The following PDCD11 variants were observed in gnomAD, a reference collection of about 807,000 sequenced individuals.
The protein encoded by PDCD11 is programmed cell death 11.
PDCD11 carries 97 observed loss-of-function variants against 198.9 expected under a neutral mutation model. That is an observed-to-expected ratio of 0.49 (90% CI 0.41 to 0.58). PDCD11 has a LOEUF of 0.58. PDCD11 is among the 20% of genes least tolerant of loss of function. The pLI is 0.00. For missense variants in PDCD11, 2,102 were observed against 2,312.7 expected, an observed-to-expected ratio of 0.91 and a Z score of 1.87; for synonymous variants, 893 against 918.0, an observed-to-expected ratio of 0.97 and a Z score of 0.49.
intron 25 of PDCD11, 21 bp from the exon 26 acceptor site, chr10:103,437,994 T>C (rs1379330089): frequency 6.2e-7 from 1 of 1,609,366 alleles, no homozygotes; most frequent in African/African-American, 1.3e-5. Context: ...GAGCGTTTCC[T>C]TCTCTTTTGC....
At chr10:103,432,713 T>G (rs563435625) in intron 22 of PDCD11, among the ~76,000 whole-genome samples, 80 of 152,210 alleles carry the variant, frequency 5.3e-4, no homozygotes, top group Admixed American at 1.2e-3. Context: ...GAATAATACC[T>G]CTCCATTGTT....
Position 103,403,270 on chromosome 10 carries a change from A to G in PDCD11, c.387A>G (p.Gln129=), listed in dbSNP as rs568210523. 41 of 1,613,856 alleles carry G rather than the reference A, an allele frequency of 2.5e-5. No individual in the cohort carries two copies. The highest frequency in any genetic ancestry group is 8.3e-5 in the Admixed American group (5 of 59,952). ...AAAAGCTGAATGAGCAGGTGACACAAGAACAACCTCTGAAGGTAAGGGAAA... is the reference window on the plus strand; with the variant it reads ...AAAAGCTGAATGAGCAGGTGACACAGGAACAACCTCTGAAGGTAAGGGAAA... ...YTKKLNEQVT[Q]EQPLKDLLHL... is the part of the protein sequence containing the mutation. The change falls in exon 4 of 36, where the codon CAA becomes CAG. Residue 129 remains glutamine, a synonymous_variant. Transcript: ENST00000369797.
At chr10:103,410,828 C>T (rs1319054435) in intron 8 of PDCD11, among the ~76,000 whole-genome samples, 1 of 151,752 alleles carries the variant, frequency 6.6e-6, no homozygotes, top group East Asian at 1.9e-4. Flanking sequence ...ATAATCCCAG[C>T]ACTTTGGTAG....
At chr10:103,421,588 G>A (rs1265163115) in intron 17 of PDCD11, 21 bp downstream of exon 17, 1 of 1,530,436 alleles carries the variant, frequency 6.5e-7, no homozygotes, top group Non-Finnish European at 8.9e-7. Context: ...TGTGGGGCAG[G>A]GGAGGTGGGC....
chr10:103,419,546 C>T lies in PDCD11; in HGVS notation c.2115C>T (p.Cys705=). 1 of 1,613,086 alleles carries T rather than the reference C, an allele frequency of 6.2e-7. No homozygotes were observed. The highest frequency in any genetic ancestry group is 1.7e-4 in the Middle Eastern group (1 of 6,054). Residue 705 remains cysteine, a synonymous_variant, in exon 16 of 36, where the codon TGC becomes TGT. Coordinates refer to ENST00000369797, the MANE Select transcript of PDCD11 (RefSeq NM_014976.2). ...LSQSEGRVLL[C]RKPALVSTVE... Reference sequence around the variant, plus strand: ...TGATGAAGTACCACTAGCTTCTTTGCAGGAAGCCAGCCTTGGTCTCCACAG... The same window carrying T: ...TGATGAAGTACCACTAGCTTCTTTGTAGGAAGCCAGCCTTGGTCTCCACAG...
At chr10:103,432,864 G>A (rs918545927) in intron 22 of PDCD11, among the ~76,000 whole-genome samples, 15 of 152,074 alleles carry the variant, frequency 9.9e-5, no homozygotes, top group Admixed American at 3.3e-4. Context: ...CTGACCTTCC[G>A]TGCACCTTGT....
In PDCD11 at chr10:103,406,068, A is replaced by T; in HGVS notation, c.648A>T (p.Pro216=). 6.2e-7 allele frequency: 1 copy of T among 1,614,202 alleles called. No individual in the cohort carries two copies. Among genetic ancestry groups the T allele is most frequent in the Non-Finnish European group, 8.5e-7 (1 of 1,180,026 alleles). The part of the protein sequence containing the change: ...IGVDGTRAFL[P]LLKAQEYIRQ... ...TTGATGGGACCAGAGCTTTTCTGCC[A>T]CTGCTGAAAGCCCAGGAGTACATCA... The change falls in exon 6 of 36, where the codon CCA becomes CCT. Residue 216 remains proline (P), a synonymous_variant. Transcript: ENST00000369797.
At chr10:103,424,598 G>A (rs978738235) in intron 19 of PDCD11, among the ~76,000 whole-genome samples, 1 of 152,192 alleles carries the variant, frequency 6.6e-6, no homozygotes. Context: ...AATTGGGGGT[G>A]GGGGAGCTGC....
intron 7 of PDCD11, among the ~76,000 whole-genome samples, chr10:103,408,963 A>G (rs189594507): frequency 9.2e-5 from 14 of 152,324 alleles, no homozygotes; most frequent in Non-Finnish European, 1.5e-4. Context: ...GGATCTGGCA[A>G]TCTCCACCCA....
At chr10:103,414,888 A>G in intron 11 of PDCD11, 117 bp from the exon 12 acceptor site, 1 of 985,520 alleles carries the variant, frequency 1.0e-6, no homozygotes, top group South Asian at 1.4e-5. Flanking sequence ...CTGGAATAAC[A>G]GGCACAGTTA....
Position 103,440,305 on chromosome 10 carries a change from G to A in PDCD11, c.4164G>A (p.Lys1388=), listed in dbSNP as rs1169191919. Reference sequence around the variant, plus strand: ...TCTGTCATAGCCTTAACCACCAGAAGAACCTGGTAGAGCTGTCTTTCCTCC... The same window carrying A: ...TCTGTCATAGCCTTAACCACCAGAAAAACCTGGTAGAGCTGTCTTTCCTCC... ...TARVLRLNHQ[K]NLVELSFLPG... The change falls in exon 29 of 36, where the codon AAG becomes AAA. Residue 1388 remains lysine, a synonymous_variant. Coordinates refer to ENST00000369797, the MANE Select transcript of PDCD11 (RefSeq NM_014976.2). 1.9e-6 allele frequency: 3 copies of A among 1,613,128 alleles called. No individual in the cohort carries two copies. Among genetic ancestry groups the A allele is most frequent in the Non-Finnish European group, 2.5e-6 (3 of 1,179,642 alleles).
At chr10:103,436,216 T>C (rs2032150698) in intron 25 of PDCD11, among the ~76,000 whole-genome samples, 1 of 152,114 alleles carries the variant, frequency 6.6e-6, no homozygotes, top group Admixed American at 6.5e-5. Context: ...TTCTTGTGCC[T>C]CAGCCACCCA....
At chr10:103,431,977 A>C (rs560813724) in intron 21 of PDCD11, 152 bp from the exon 22 acceptor site, 3 of 588,850 alleles carry the variant, frequency 5.1e-6, no homozygotes, top group African/African-American at 3.7e-5. Context: ...TATTGTGGAC[A>C]TTCCCCTTTG....
chr10:103,404,621 T>C (rs2030330837), intron 4 of PDCD11, among the ~76,000 whole-genome samples: 1 of 152,188 alleles, frequency 6.6e-6, no homozygotes, highest in South Asian at 2.1e-4. Context: ...TTAATGGTCA[T>C]GTAAGAGATA....
intron 25 of PDCD11, among the ~76,000 whole-genome samples, chr10:103,437,689 CG>C (rs2032208155): frequency 6.6e-6 from 1 of 151,992 alleles, no homozygotes. Context: ...GGGGTTTCAC[CG>C]TGTTAGCCAG....
Position 103,444,585 on chromosome 10 carries a change from AT to A in PDCD11, c.5352del (p.Phe1784LeufsTer5). On this transcript the variant is annotated frameshift_variant, in exon 35 of 36. Coordinates refer to ENST00000369797, the MANE Select transcript of PDCD11 (RefSeq NM_014976.2). LOFTEE classifies it high-confidence loss of function. Reference protein sequence around the residue: ...QLGDAERAKAIFENTLSTYPK... With the variant: ...QLGDAERAKAXFENTLSTYPK... ...GGGGGATGCAGAGCGGGCCAAAGCC[AT>A]TTTTGAGAACACGCTGAGCACCTAC... The A allele has an allele frequency of 6.2e-7, 1 of 1,614,196 alleles. No homozygotes were observed. The highest frequency in any genetic ancestry group is 8.5e-7 in the Non-Finnish European group (1 of 1,180,026).
intron 21 of PDCD11, among the ~76,000 whole-genome samples, chr10:103,429,400 T>G (rs1441319116): frequency 6.6e-6 from 1 of 152,184 alleles, no homozygotes; most frequent in Non-Finnish European, 1.5e-5. Context: ...TATCCGTTTA[T>G]GTGGTGGGTT....
At position 103,443,187 on chromosome 10, in the gene PDCD11, G is replaced by C. The variant is rs1355307829; in HGVS notation, c.4978G>C (p.Val1660Leu). The C allele has an allele frequency of 6.3e-7, 1 of 1,599,348 alleles. No homozygotes were observed. Among genetic ancestry groups the C allele is most frequent in the African/African-American group, 1.3e-5 (1 of 74,524 alleles). ...CAGAGAGGAGCAGGAGAAGCTGAACGTGTGGGTGGCTCTGCTGAACCTGGA... is the reference window on the plus strand; with the variant it reads ...CAGAGAGGAGCAGGAGAAGCTGAACCTGTGGGTGGCTCTGCTGAACCTGGA... ...SFREEQEKLNVWVALLNLENM... is the reference protein window; with the variant it reads ...SFREEQEKLNLWVALLNLENM... The change falls in exon 33 of 36, where the codon GTG becomes CTG. Residue 1660 changes from valine to leucine, a missense_variant. Val to Leu is a conservative substitution (Grantham distance 32). Transcript: ENST00000369797.
At position 103,416,609 on chromosome 10, in the gene PDCD11, A is replaced by G. The variant is rs2031122564; in HGVS notation, c.1637A>G (p.His546Arg). 1 of 1,614,080 alleles carries G rather than the reference A, an allele frequency of 6.2e-7. No individual in the cohort carries two copies. Among genetic ancestry groups the G allele is most frequent in the Non-Finnish European group, 8.5e-7 (1 of 1,180,030 alleles). ...GATGCCAAGCCTGGTCTGCAGACAC[A>G]TGGCTTCATCATCAGGGTCAAGGAC... ...YADAKPGLQT[H>R]GFIIRVKDYG... is the part of the protein sequence containing the mutation. The change falls in exon 13 of 36, where the codon CAT becomes CGT. Residue 546 changes from histidine to arginine, a missense_variant. Transcript: ENST00000369797.
Sources: allele counts gnomAD v4.1 joint callset (sites outside exome capture counted in the v4.1 genomes callset), GRCh38; gene constraint gnomAD v4.1.1; transcripts MANE v1.5; gene names NCBI Gene and HGNC (gene_info 2026-07-23, HGNC 2026-07-21).